Variants in PDE4D observed in about 807,000 individuals in gnomAD.
PDE4D encodes the protein 3',5'-cyclic-AMP phosphodiesterase 4D.
Under a neutral mutation model 87.4 loss-of-function variants are expected in PDE4D, and 24 were observed. The ratio of observed to expected loss-of-function variants is 0.27; its 90% CI spans 0.20 to 0.39. PDE4D has a LOEUF of 0.39. Among genes scored for constraint, PDE4D ranks in the 10% least tolerant of loss-of-function variants. The pLI is 1.00. For missense variants in PDE4D, 714 were observed against 1,041.0 expected, an observed-to-expected ratio of 0.69 and a Z score of 4.32; for synonymous variants, 384 against 383.2, an observed-to-expected ratio of 1.00 and a Z score of -0.02.
intron 1 of PDE4D, among the ~76,000 whole-genome samples, chr5:59,690,279 G>C (rs1204742230): frequency 2.0e-5 from 3 of 152,192 alleles, no homozygotes; most frequent in Non-Finnish European, 4.4e-5. Flanking sequence ...TAAGCCAAAA[G>C]AACAAAGCTG....
intron 5 of PDE4D, among the ~76,000 whole-genome samples, chr5:59,135,282 G>A (rs1259963694): frequency 6.6e-6 from 1 of 152,134 alleles, no homozygotes; most frequent in African/African-American, 2.4e-5. Flanking sequence ...TTTGTTTTCT[G>A]TTCTTAGCAA....
chr5:59,894,968 G>GAATT (rs1751478690), upstream of PDE4D, among the ~76,000 whole-genome samples: 2 of 152,074 alleles, frequency 1.3e-5, no homozygotes, highest in African/African-American at 2.4e-5. Context: ...AATAATTCTA[G>GAATT]AATTTTTCTT....
intron 3 of PDE4D, among the ~76,000 whole-genome samples, chr5:59,985,055 C>T (rs1464092108): frequency 6.6e-6 from 1 of 151,314 alleles, no homozygotes; most frequent in Non-Finnish European, 1.5e-5. Flanking sequence ...TTTCTGACAG[C>T]TGTAAAGGAA....
intron 1 of PDE4D, among the ~76,000 whole-genome samples, chr5:59,302,879 T>G (rs923702609): frequency 6.6e-6 from 1 of 152,224 alleles, no homozygotes; most frequent in African/African-American, 2.4e-5. Flanking sequence ...TAATGACTTC[T>G]TTTCCTCTGG....
intron 1 of PDE4D, among the ~76,000 whole-genome samples, chr5:59,274,002 G>A (rs1581712377): frequency 6.6e-6 from 1 of 152,084 alleles, no homozygotes; most frequent in Middle Eastern, 3.4e-3. Context: ...TTTTCACATA[G>A]GAATGGTATA....
At chr5:59,844,011 A>G (rs1017668790) in intron 1 of PDE4D, among the ~76,000 whole-genome samples, 2 of 152,052 alleles carry the variant, frequency 1.3e-5, no homozygotes, top group Admixed American at 1.3e-4. Flanking sequence ...TAGGTCTGTT[A>G]TACTCACCAC....
chr5:59,111,999 G>A (rs1334400562), intron 5 of PDE4D, among the ~76,000 whole-genome samples: 1 of 152,200 alleles, frequency 6.6e-6, no homozygotes, highest in African/African-American at 2.4e-5. Flanking sequence ...TTATGTGTTA[G>A]AAGGATAGAC....
At chr5:59,199,935 TATACATATATAC>T (rs1217306626) in intron 2 of PDE4D, among the ~76,000 whole-genome samples, 3 of 151,790 alleles carry the variant, frequency 2.0e-5, no homozygotes, top group Non-Finnish European at 4.4e-5. Context: ...CAGGCACATA[TATACATATATAC>T]ATACATGTAT....
At position 58,970,329 on chromosome 5, in the gene PDE4D, T is replaced by C. The variant is rs1408678391; in HGVS notation, c.*4335A>G. 2 of 152,082 alleles carry C rather than the reference T, an allele frequency of 1.3e-5. No homozygotes were observed. Among genetic ancestry groups the C allele is most frequent in the African/African-American group, 2.4e-5 (1 of 41,424 alleles). The allele number at this position is 152,082 out of a possible 1,614,324, so 9.4% of individuals were successfully genotyped here. On this transcript the variant is annotated 3_prime_UTR_variant, in exon 15 of 15. Coordinates refer to ENST00000340635, the MANE Select transcript of PDE4D (RefSeq NM_001104631.2). The stretch of plus-strand genomic sequence containing the variant: ...TTAAAACAAAAGTAATCAAATTCCT[T>C]TGGGCCAGGGCTGCTAAAATCTACA...
intron 1 of PDE4D, among the ~76,000 whole-genome samples, chr5:60,345,441 T>TAAA (rs943904118): frequency 7.1e-6 from 1 of 141,430 alleles, no homozygotes; most frequent in Non-Finnish European, 1.5e-5. Context: ...GAACGTAAAG[T>TAAA]ATAATAATAA....
At chr5:59,192,537 GA>G (rs1488329975) in intron 3 of PDE4D, among the ~76,000 whole-genome samples, 1 of 151,686 alleles carries the variant, frequency 6.6e-6, no homozygotes, top group Non-Finnish European at 1.5e-5. Context: ...TCTACCAGTT[GA>G]AAAAAAAGAG....
intron 1 of PDE4D, among the ~76,000 whole-genome samples, chr5:59,376,535 C>T (rs569509414): frequency 1.7e-4 from 26 of 151,688 alleles, no homozygotes; most frequent in South Asian, 4.2e-4. Flanking sequence ...AAATGAGAGA[C>T]GACACAAAAA....
chr5:59,379,524 G>C (rs777791525), intron 1 of PDE4D, among the ~76,000 whole-genome samples: 1 of 151,412 alleles, frequency 6.6e-6, no homozygotes, highest in African/African-American at 2.4e-5. Context: ...ACATTCAATT[G>C]AGATTTGATG....
chr5:59,920,552 G>A (rs1754550084), intron 3 of PDE4D, among the ~76,000 whole-genome samples: 1 of 152,156 alleles, frequency 6.6e-6, no homozygotes, highest in African/African-American at 2.4e-5. Context: ...AACATACAGA[G>A]TTAGTTGGAA....
At chr5:59,869,322 G>A (rs950733950) in intron 1 of PDE4D, among the ~76,000 whole-genome samples, 12 of 152,166 alleles carry the variant, frequency 7.9e-5, no homozygotes, top group African/African-American at 2.9e-4. Context: ...GTAGGGTTTG[G>A]AGGTATTATT....
At chr5:60,318,785 T>G (rs1755899454) in intron 1 of PDE4D, among the ~76,000 whole-genome samples, 1 of 152,136 alleles carries the variant, frequency 6.6e-6, no homozygotes, top group Admixed American at 6.5e-5. Context: ...TTGAAAATTC[T>G]TTTCTTTAAG....
chr5:60,000,832 C>T (rs1187298908), intron 2 of PDE4D, among the ~76,000 whole-genome samples: 1 of 152,110 alleles, frequency 6.6e-6, no homozygotes. Context: ...TGTCTGCTAA[C>T]TATGATATCC....
chr5:60,246,229 T>C (rs901237827), intron 1 of PDE4D, among the ~76,000 whole-genome samples: 8 of 151,938 alleles, frequency 5.3e-5, no homozygotes, highest in African/African-American at 1.9e-4. Flanking sequence ...ACATTCAGTT[T>C]TAAATATTTT....
chr5:58,986,545 C>CA (rs1471258489), intron 11 of PDE4D, among the ~76,000 whole-genome samples: 3 of 152,202 alleles, frequency 2.0e-5, no homozygotes, highest in Non-Finnish European at 1.5e-5. Context: ...TCAGCAGGGA[C>CA]ATTAGATTCT....
Sources: gnomAD v4.1 joint callset for allele counts (sites outside exome capture counted in the v4.1 genomes callset) on GRCh38, gnomAD v4.1.1 for gene constraint, MANE v1.5 for transcripts, NCBI Gene and HGNC (gene_info 2026-07-23, HGNC 2026-07-21) for gene names.